Variants in SMARCA1 observed in about 807,000 individuals in gnomAD.
SMARCA1 encodes the protein SWI/SNF-related matrix-associated actin-dependent regulator of chromatin subfamily A member 1.
SMARCA1 carries 17 observed loss-of-function variants against 93.6 expected under a neutral mutation model. The observed-to-expected ratio is 0.18, with a 90% confidence interval of 0.12 to 0.27. The LOEUF (loss-of-function observed/expected upper bound fraction) is 0.27. Among genes scored for constraint, SMARCA1 ranks in the 10% least tolerant of loss-of-function variants. The probability of loss-of-function intolerance (pLI) is 1.00; values close to 1 mark genes in which losing one functional copy is unlikely to be tolerated. For synonymous variants in SMARCA1, 271 were observed against 271.4 expected, an observed-to-expected ratio of 1.00 and a Z score of 0.01; for missense variants, 630 against 819.0, an observed-to-expected ratio of 0.77 and a Z score of 2.82.
chrX:129,507,879 A>G lies in SMARCA1; in HGVS notation c.966+62T>C, dbSNP rs1018270609. The G allele has an allele frequency of 1.6e-5, 12 of 766,344 alleles. No individual in the cohort carries two copies. The African/African-American group carries it at 2.2e-4, about 14-fold the overall frequency. The allele number at this position is 766,344 out of a possible 1,213,427, so 63.2% of individuals were successfully genotyped here. A position where few individuals can be genotyped will look rare whatever the true frequency, so the allele number is the denominator to read the frequency against. On this transcript the variant is annotated intron_variant, in intron 7 of 24. Coordinates refer to ENST00000371121, the MANE Select transcript of SMARCA1 (RefSeq NM_001282874.2). ...CCATCATTTTTTATTCTGAATACAG[A>G]AAAGTGAACAAACCAACCTGGTAAT...
chrX:129,507,833 T>A (rs1202959125), intron 7 of SMARCA1, 108 bp downstream of exon 7: 2 of 515,699 alleles, frequency 3.9e-6, no homozygotes, highest in Non-Finnish European at 6.1e-6. Context: ...ATTACAGGCG[T>A]GAGCCACCAC....
chrX:129,522,719 CA>C (rs1305403096), intron 1 of SMARCA1, among the ~76,000 whole-genome samples: 1 of 111,842 alleles, frequency 8.9e-6, no homozygotes, highest in African/African-American at 3.2e-5. Flanking sequence ...ATTCAAATTA[CA>C]AAAAAAGCCC....
intron 5 of SMARCA1, among the ~76,000 whole-genome samples, chrX:129,514,148 T>C (rs1935109541): frequency 8.9e-6 from 1 of 112,223 alleles, no homozygotes. Context: ...ACCCCGTCTC[T>C]ACTAAAAAAA....
At chrX:129,506,938 G>A (rs745642675) in intron 7 of SMARCA1, among the ~76,000 whole-genome samples, 34 of 110,664 alleles carry the variant, frequency 3.1e-4, no homozygotes, top group Middle Eastern at 9.3e-3. Flanking sequence ...CCAGAATTGA[G>A]CCGATTTTCC....
At chrX:129,467,904 C>G (rs1347494335) in intron 21 of SMARCA1, among the ~76,000 whole-genome samples, 1 of 112,173 alleles carries the variant, frequency 8.9e-6, no homozygotes, top group Non-Finnish European at 1.9e-5. Context: ...ACAAAAAATG[C>G]TCTAGATTCT....
Position 129,515,613 on chromosome X carries a change from T to C in SMARCA1, c.630+74A>G. On this transcript the variant is annotated intron_variant, in intron 5 of 24. Transcript: ENST00000371121. ...AGCCTCCAGGCATCAGGGGGGCAGG[T>C]AAGCTCAGGTTTTTCAAATTTACAT... is the stretch of plus-strand genomic sequence containing the variant. 4 of 707,355 alleles carry C rather than the reference T, an allele frequency of 5.7e-6. No homozygotes were observed. In the South Asian group the frequency reaches 9.1e-5, roughly 16 times the overall value. The allele number at this position is 707,355 out of a possible 1,213,427, so 58.3% of individuals were successfully genotyped here. A position where few individuals can be genotyped will look rare whatever the true frequency, so the allele number is the denominator to read the frequency against.
Position 129,465,383 on chromosome X carries a change from C to T in SMARCA1, c.3030+137G>A, listed in dbSNP as rs146022727. The stretch of plus-strand genomic sequence containing the variant: ...TATATAGGTGCTACGTATGTATACA[C>T]ATACACACAGAGAGAGAGAAAGAGA... On this transcript the variant is annotated intron_variant, in intron 23 of 24. Transcript: ENST00000371121. 742 of 452,752 alleles carry T rather than the reference C, an allele frequency of 1.6e-3. 3 individuals carry two copies. The highest frequency in any genetic ancestry group is 0.015 in the African/African-American group (634 of 40,908). The allele number at this position is 452,752 out of a possible 1,213,427, so 37.3% of individuals were successfully genotyped here. A position where few individuals can be genotyped will look rare whatever the true frequency, so the allele number is the denominator to read the frequency against.
chrX:129,449,998 G>A (rs989525255), intron 23 of SMARCA1, among the ~76,000 whole-genome samples: 1 of 112,654 alleles, frequency 8.9e-6, no homozygotes, highest in African/African-American at 3.2e-5. Flanking sequence ...ATGCTGAAAC[G>A]GGAACTTTCA....
chrX:129,501,107 T>C (rs1009216184), intron 9 of SMARCA1, among the ~76,000 whole-genome samples: 1 of 111,431 alleles, frequency 9.0e-6, no homozygotes, highest in Non-Finnish European at 1.9e-5. Context: ...ATCATTTCTA[T>C]TTTAGTAAGG....
At chrX:129,507,133 G>T (rs954344518) in intron 7 of SMARCA1, among the ~76,000 whole-genome samples, 1 of 111,628 alleles carries the variant, frequency 9.0e-6, no homozygotes, top group African/African-American at 3.3e-5. Flanking sequence ...TAATCCACCT[G>T]GTGGTTTTGC....
chrX:129,480,272 T>G (rs1258271004), intron 19 of SMARCA1, among the ~76,000 whole-genome samples: 2 of 112,261 alleles, frequency 1.8e-5, no homozygotes, highest in Admixed American at 9.5e-5. Context: ...GACTACAATC[T>G]ACTAACCACC....
At chrX:129,447,373 T>C in intron 24 of SMARCA1, 140 bp from the exon 25 acceptor site, 1 of 584,636 alleles carries the variant, frequency 1.7e-6, no homozygotes, top group Non-Finnish European at 2.5e-6. Context: ...ACAGTTAATG[T>C]TCTATATAGC....
intron 23 of SMARCA1, among the ~76,000 whole-genome samples, chrX:129,455,845 T>C (rs1286882664): frequency 2.7e-5 from 3 of 111,957 alleles, no homozygotes; most frequent in East Asian, 5.6e-4. Flanking sequence ...ATGAAGTTTA[T>C]AGAAAGATGC....
intron 23 of SMARCA1, among the ~76,000 whole-genome samples, chrX:129,463,719 C>T (rs1430461553): frequency 2.7e-5 from 3 of 111,492 alleles, no homozygotes; most frequent in African/African-American, 9.8e-5. Flanking sequence ...AGGTGGATCA[C>T]ATGAGATCAG....
chrX:129,455,430 G>A (rs1932567304), intron 23 of SMARCA1, among the ~76,000 whole-genome samples: 2 of 77,946 alleles, frequency 2.6e-5, no homozygotes, highest in African/African-American at 1.0e-4. Flanking sequence ...ACAAGGAAGG[G>A]AACATCACAC....
At chrX:129,481,899 T>C (rs1490671696) in intron 17 of SMARCA1, among the ~76,000 whole-genome samples, 3 of 107,581 alleles carry the variant, frequency 2.8e-5, no homozygotes, top group African/African-American at 6.7e-5. Flanking sequence ...TATTGTGGCA[T>C]TATTCACAAT....
Position 129,496,691 on chromosome X carries a change from T to C in SMARCA1, c.1626+59A>G, listed in dbSNP as rs769428086. ...AAAGTTCAAAACTACCTAATGTTGA[T>C]ATACATTGCTTAATTGAACTCTGAT... On this transcript the variant is annotated intron_variant, in intron 12 of 24. Coordinates refer to ENST00000371121, the MANE Select transcript of SMARCA1 (RefSeq NM_001282874.2). 3.7e-6 allele frequency: 4 copies of C among 1,090,063 alleles called. No individual in the cohort carries two copies. In the African/African-American group the frequency reaches 5.5e-5, roughly 15 times the overall value. The allele number at this position is 1,090,063 out of a possible 1,213,427, so 89.8% of individuals were successfully genotyped here.
chrX:129,482,793 A>T (rs1602684627), intron 17 of SMARCA1, among the ~76,000 whole-genome samples: 2 of 111,856 alleles, frequency 1.8e-5, no homozygotes, highest in Admixed American at 1.9e-4. Context: ...TGGCTTCCTA[A>T]TTCATATTTT....
chrX:129,459,255 C>T, intron 23 of SMARCA1, among the ~76,000 whole-genome samples: 1 of 110,815 alleles, frequency 9.0e-6, no homozygotes, highest in Non-Finnish European at 1.9e-5. Flanking sequence ...CTCATCTCTA[C>T]TAATAATACA....
Sources: allele counts gnomAD v4.1 joint callset (sites outside exome capture counted in the v4.1 genomes callset), GRCh38; gene constraint gnomAD v4.1.1; transcripts MANE v1.5; gene names NCBI Gene and HGNC (gene_info 2026-07-23, HGNC 2026-07-21).